Variants in TBC1D5 observed in about 807,000 individuals in gnomAD.
The protein encoded by TBC1D5 is TBC1 domain family member 5, also known as TBC1 domain family, member 5.
TBC1D5 carries 75 observed loss-of-function variants against 100.3 expected under a neutral mutation model. The observed-to-expected ratio is 0.75, with a 90% CI of 0.62 to 0.91. The LOEUF is 0.91. Among genes scored for constraint, TBC1D5 ranks in the 40% least tolerant of loss-of-function variants. The pLI is 0.00. For synonymous variants in TBC1D5, 323 were observed against 325.6 expected, an observed-to-expected ratio of 0.99 and a Z score of 0.09; for missense variants, 910 against 942.4, an observed-to-expected ratio of 0.97 and a Z score of 0.45.
At chr3:17,455,076 A>C (rs1226255267) in intron 3 of TBC1D5, among the ~76,000 whole-genome samples, 4 of 150,852 alleles carry the variant, frequency 2.7e-5, no homozygotes, top group African/African-American at 9.7e-5. Flanking sequence ...CATTCCTCAC[A>C]CAAGTAGAAA....
At chr3:17,298,576 T>A (rs2150316846) in intron 14 of TBC1D5, among the ~76,000 whole-genome samples, 1 of 152,256 alleles carries the variant, frequency 6.6e-6, no homozygotes, top group East Asian at 1.9e-4. Context: ...ATGGGATGTA[T>A]GGAAGGAGAA....
chr3:17,698,212 A>G (rs1023673645), intron 1 of TBC1D5, among the ~76,000 whole-genome samples: 7 of 152,252 alleles, frequency 4.6e-5, no homozygotes, highest in Non-Finnish European at 7.3e-5. Flanking sequence ...TCAATGGAAC[A>G]GAACAGAGCC....
At chr3:17,674,723 T>G (rs1170098356) in intron 1 of TBC1D5, among the ~76,000 whole-genome samples, 2 of 152,120 alleles carry the variant, frequency 1.3e-5, no homozygotes, top group Non-Finnish European at 2.9e-5. Context: ...AAACTTTGTT[T>G]GTGTATACAA....
chr3:17,690,164 T>A (rs1467548140), intron 1 of TBC1D5, among the ~76,000 whole-genome samples: 2 of 150,190 alleles, frequency 1.3e-5, no homozygotes, highest in Non-Finnish European at 3.0e-5. Context: ...ATAACCATTA[T>A]AATAAGAATA....
chr3:17,331,551 A>G (rs2086864831), intron 13 of TBC1D5, among the ~76,000 whole-genome samples: 1 of 152,206 alleles, frequency 6.6e-6, no homozygotes, highest in Non-Finnish European at 1.5e-5. Context: ...CAATGTGTTC[A>G]TTCCCAAATG....
intron 3 of TBC1D5, among the ~76,000 whole-genome samples, chr3:17,442,225 C>G (rs775135031): frequency 6.6e-6 from 1 of 152,094 alleles, no homozygotes; most frequent in Non-Finnish European, 1.5e-5. Flanking sequence ...AAATCTCTTT[C>G]TTTTTCCCTT....
At chr3:17,525,625 T>C (rs2096124195) in intron 2 of TBC1D5, among the ~76,000 whole-genome samples, 1 of 152,076 alleles carries the variant, frequency 6.6e-6, no homozygotes. Context: ...ATGGTAATAA[T>C]GTCTATGGTT....
At chr3:17,519,421 C>T (rs1183882300) in intron 2 of TBC1D5, among the ~76,000 whole-genome samples, 1 of 152,200 alleles carries the variant, frequency 6.6e-6, no homozygotes, top group African/African-American at 2.4e-5. Flanking sequence ...CCTTCTTCGC[C>T]TTACCAACTG....
At chr3:17,241,698 T>G (rs2076315813) in intron 16 of TBC1D5, among the ~76,000 whole-genome samples, 1 of 152,202 alleles carries the variant, frequency 6.6e-6, no homozygotes, top group Non-Finnish European at 1.5e-5. Flanking sequence ...TGAGCTTATG[T>G]TCAGTTTCTT....
At chr3:17,667,536 T>C (rs2067404634) in intron 1 of TBC1D5, among the ~76,000 whole-genome samples, 1 of 152,008 alleles carries the variant, frequency 6.6e-6, no homozygotes, top group Non-Finnish European at 1.5e-5. Flanking sequence ...GCTGCAGCCT[T>C]GACCTCCCAG....
chr3:17,666,788 G>A (rs2067307901), intron 1 of TBC1D5, among the ~76,000 whole-genome samples: 1 of 152,068 alleles, frequency 6.6e-6, no homozygotes, highest in Admixed American at 6.5e-5. Context: ...AAAGAAAGAA[G>A]TGCTGATTCT....
At chr3:17,693,950 C>A (rs1046750022) in intron 1 of TBC1D5, among the ~76,000 whole-genome samples, 26 of 152,196 alleles carry the variant, frequency 1.7e-4, no homozygotes, top group African/African-American at 6.3e-4. Flanking sequence ...CCCAGGCAAA[C>A]AGAGTCTGGA....
At chr3:17,518,373 G>C (rs1476525841) in intron 2 of TBC1D5, among the ~76,000 whole-genome samples, 1 of 152,170 alleles carries the variant, frequency 6.6e-6, no homozygotes, top group East Asian at 1.9e-4. Context: ...AGCTGATGCA[G>C]AGGACTACGA....
intron 1 of TBC1D5, among the ~76,000 whole-genome samples, chr3:17,695,943 G>A (rs2071990581): frequency 6.6e-6 from 1 of 152,088 alleles, no homozygotes; most frequent in Non-Finnish European, 1.5e-5. Context: ...GATTAAGAGA[G>A]TCATCAAAAC....
chr3:17,602,875 G>A (rs1194003386), intron 2 of TBC1D5, among the ~76,000 whole-genome samples: 3 of 151,808 alleles, frequency 2.0e-5, no homozygotes, highest in Non-Finnish European at 2.9e-5. Flanking sequence ...GTGCCCGGCC[G>A]ACAATCAGAT....
chr3:17,572,304 TA>T (rs1018210266), intron 2 of TBC1D5, among the ~76,000 whole-genome samples: 333 of 142,238 alleles, frequency 2.3e-3, no homozygotes, highest in Admixed American at 2.0e-3. Flanking sequence ...CATTCTCAGT[TA>T]AAAAAAAAAA....
chr3:17,405,036 C>A, intron 5 of TBC1D5, 75 bp from the exon 6 acceptor site: 2 of 801,888 alleles, frequency 2.5e-6, no homozygotes, highest in Non-Finnish European at 3.9e-6. Flanking sequence ...AACTGAACCA[C>A]CTGAACATTG....
At chr3:17,445,191 A>T (rs1372293519) in intron 3 of TBC1D5, among the ~76,000 whole-genome samples, 1 of 152,136 alleles carries the variant, frequency 6.6e-6, no homozygotes, top group East Asian at 1.9e-4. Flanking sequence ...TGTTTTAATG[A>T]TGTCTTATAT....
chr3:17,674,125 A>G (rs1211834919), intron 1 of TBC1D5, among the ~76,000 whole-genome samples: 1 of 152,156 alleles, frequency 6.6e-6, no homozygotes, highest in Non-Finnish European at 1.5e-5. Context: ...AAATCCTAGT[A>G]AGACTTTGGA....
Sources: gnomAD v4.1 joint callset for allele counts (sites outside exome capture counted in the v4.1 genomes callset) on GRCh38, gnomAD v4.1.1 for gene constraint, MANE v1.5 for transcripts, NCBI Gene and HGNC (gene_info 2026-07-23, HGNC 2026-07-21) for gene names.